Variants in CSMD1 observed in about 807,000 individuals in gnomAD.
CSMD1 encodes the protein CUB and Sushi multiple domains 1.
In CSMD1, 213 loss-of-function variants were observed where a neutral mutation model predicts 417.5. That is an observed-to-expected ratio of 0.51 (90% CI 0.46 to 0.57). The LOEUF (loss-of-function observed/expected upper bound fraction) is 0.57. Ranked by LOEUF, CSMD1 falls within the 20% of genes least tolerant of loss-of-function variation. The pLI, the probability that CSMD1 is intolerant of heterozygous loss-of-function variation, is 0.00. For missense variants in CSMD1, 6,923 were observed against 4,529.7 expected, an observed-to-expected ratio of 1.53 and a Z score of -15.17; for synonymous variants, 2,862 against 1,736.8, an observed-to-expected ratio of 1.65 and a Z score of -16.11.
At chr8:3,976,286 A>C (rs1046914104) in intron 5 of CSMD1, among the ~76,000 whole-genome samples, 13 of 151,316 alleles carry the variant, frequency 8.6e-5, no homozygotes, top group African/African-American at 3.2e-4. Context: ...TTTAGCTGTC[A>C]GGTTATACTT....
At chr8:3,282,320 G>A (rs1032520966) in intron 26 of CSMD1, among the ~76,000 whole-genome samples, 2 of 152,014 alleles carry the variant, frequency 1.3e-5, no homozygotes, top group Non-Finnish European at 2.9e-5. Context: ...GAGCACGTGG[G>A]AACTCTGTGC....
chr8:3,725,237 C>A (rs17067155), intron 6 of CSMD1, among the ~76,000 whole-genome samples: 1 of 152,030 alleles, frequency 6.6e-6, no homozygotes, highest in Non-Finnish European at 1.5e-5. Context: ...TAGGAAGGCC[C>A]TCAAGGTGTG....
intron 3 of CSMD1, among the ~76,000 whole-genome samples, chr8:4,391,884 T>C (rs1282698898): frequency 6.6e-6 from 1 of 152,210 alleles, no homozygotes; most frequent in Non-Finnish European, 1.5e-5. Flanking sequence ...CACCAGCTTC[T>C]GCCGAGAGCT....
rs1430118452 is a variant in CSMD1 at position 4,453,997 on chromosome 8, A to AT, written c.303-33933dup. The stretch of plus-strand genomic sequence containing the variant: ...CCACCGCGCCCGGCTAATTTTTTGT[A>AT]TTTTTTAGTAGAGACGGGGTTTCAC... On this transcript the variant is annotated intron_variant, in intron 2 of 69. Transcript: ENST00000635120. Among the ~76,000 whole-genome samples the AT allele has an allele frequency of 7.3e-5, 11 of 150,314 alleles. No individual in the cohort carries two copies. The South Asian group carries it at 1.5e-3, about 20-fold the overall frequency.
chr8:4,545,311 T>G (rs970177276), intron 2 of CSMD1, among the ~76,000 whole-genome samples: 3 of 152,230 alleles, frequency 2.0e-5, no homozygotes, highest in Admixed American at 6.5e-5. Flanking sequence ...CTCAACAGTT[T>G]CTAACACCAG....
At chr8:4,917,855 T>G (rs1806175945) in intron 1 of CSMD1, among the ~76,000 whole-genome samples, 3 of 152,070 alleles carry the variant, frequency 2.0e-5, no homozygotes, top group Non-Finnish European at 4.4e-5. Context: ...TTCCAAAGAC[T>G]GTAACATTTG....
At chr8:4,763,462 CATG>C (rs1327721888) in intron 1 of CSMD1, among the ~76,000 whole-genome samples, 6 of 152,128 alleles carry the variant, frequency 3.9e-5, no homozygotes, top group African/African-American at 1.4e-4. Context: ...ATAATAGTGA[CATG>C]ATGAGAGCTC....
intron 1 of CSMD1, among the ~76,000 whole-genome samples, chr8:4,891,348 G>T (rs1221367242): frequency 2.0e-5 from 3 of 152,110 alleles, no homozygotes; most frequent in Non-Finnish European, 4.4e-5. Flanking sequence ...GTTTATTGAA[G>T]TGAATTAGAG....
intron 12 of CSMD1, among the ~76,000 whole-genome samples, chr8:3,413,467 T>TG (rs1812942172): frequency 6.6e-6 from 1 of 152,168 alleles, no homozygotes; most frequent in Admixed American, 6.5e-5. Context: ...GTTGGACAAG[T>TG]CCCTTATCAG....
At chr8:3,787,393 G>C (rs1352542365) in intron 5 of CSMD1, among the ~76,000 whole-genome samples, 3 of 152,074 alleles carry the variant, frequency 2.0e-5, no homozygotes, top group Non-Finnish European at 4.4e-5. Flanking sequence ...AGATAACCAG[G>C]ATTCTCCTGT....
At chr8:4,448,271 A>C (rs1798934095) in intron 2 of CSMD1, among the ~76,000 whole-genome samples, 1 of 152,188 alleles carries the variant, frequency 6.6e-6, no homozygotes, top group Admixed American at 6.5e-5. Flanking sequence ...AGCATTTCCA[A>C]ATATAGTTAT....
At chr8:3,850,493 A>C (rs1474547303) in intron 5 of CSMD1, among the ~76,000 whole-genome samples, 5 of 152,142 alleles carry the variant, frequency 3.3e-5, no homozygotes, top group Non-Finnish European at 7.4e-5. Flanking sequence ...TCAAGAGTTC[A>C]AGACCGGCTT....
At chr8:3,531,808 C>G (rs1022391417) in intron 10 of CSMD1, among the ~76,000 whole-genome samples, 1 of 152,220 alleles carries the variant, frequency 6.6e-6, no homozygotes, top group African/African-American at 2.4e-5. Flanking sequence ...GAAGCTTACA[C>G]AGGGGGATGC....
intron 23 of CSMD1, among the ~76,000 whole-genome samples, chr8:3,318,125 A>ATGAT (rs1563266710): frequency 6.6e-6 from 1 of 152,202 alleles, no homozygotes; most frequent in East Asian, 1.9e-4. Context: ...ATTTTTAATT[A>ATGAT]TGATTTCTTT....
At chr8:4,213,858 G>C (rs763949884) in intron 3 of CSMD1, among the ~76,000 whole-genome samples, 19 of 152,200 alleles carry the variant, frequency 1.2e-4, no homozygotes, top group Non-Finnish European at 2.4e-4. Flanking sequence ...TTTAGGCTGA[G>C]AATCAGATGA....
chr8:3,343,826 G>A (rs1045818226), intron 22 of CSMD1, among the ~76,000 whole-genome samples: 1 of 152,032 alleles, frequency 6.6e-6, no homozygotes, highest in African/African-American at 2.4e-5. Flanking sequence ...TAATATTTTA[G>A]TCTTGAATAT....
intron 3 of CSMD1, among the ~76,000 whole-genome samples, chr8:4,343,682 C>G (rs1197041984): frequency 2.6e-5 from 4 of 151,978 alleles, no homozygotes; most frequent in African/African-American, 9.7e-5. Context: ...GGTGATCTGA[C>G]CTTTGCAGCT....
chr8:4,856,460 C>T (rs1196999197), intron 1 of CSMD1, among the ~76,000 whole-genome samples: 1 of 140,620 alleles, frequency 7.1e-6, no homozygotes, highest in Non-Finnish European at 1.5e-5. Context: ...AATTAAAAGA[C>T]ACAGACTGGC....
intron 8 of CSMD1, among the ~76,000 whole-genome samples, chr8:3,597,555 G>T (rs561159831): frequency 1.3e-5 from 2 of 152,112 alleles, no homozygotes; most frequent in Non-Finnish European, 2.9e-5. Flanking sequence ...AGGTACTGAG[G>T]CCAAGAATTG....
Sources: allele counts gnomAD v4.1 joint callset (sites outside exome capture counted in the v4.1 genomes callset), GRCh38; gene constraint gnomAD v4.1.1; transcripts MANE v1.5; gene names NCBI Gene and HGNC (gene_info 2026-07-23, HGNC 2026-07-21).